Variants in OTUD7A observed in about 807,000 individuals in gnomAD.
OTUD7A encodes the protein OTU domain-containing protein 7A.
A neutral mutation model predicts 65.7 loss-of-function variants in OTUD7A; 12 were observed. The ratio of observed to expected loss-of-function variants is 0.18; its 90% CI spans 0.12 to 0.30. OTUD7A has a LOEUF of 0.30. OTUD7A is among the 10% of genes least tolerant of loss of function. OTUD7A has a pLI of 1.00. For synonymous variants in OTUD7A, 641 were observed against 586.3 expected (o/e 1.09, Z -1.35); for missense variants, 1,148 against 1,304.8 (o/e 0.88, Z 1.85).
intron 9 of OTUD7A, among the ~76,000 whole-genome samples, chr15:31,502,692 C>T (rs1424959658): frequency 6.6e-6 from 1 of 152,158 alleles, no homozygotes; most frequent in Non-Finnish European, 1.5e-5. Context: ...CTTCCTCTGC[C>T]CCGCAACTCA....
intron 6 of OTUD7A, among the ~76,000 whole-genome samples, chr15:31,527,518 T>C (rs1433080360): frequency 6.6e-6 from 1 of 152,254 alleles, no homozygotes; most frequent in Non-Finnish European, 1.5e-5. Flanking sequence ...GCACATCCTG[T>C]TCTTAGCAAA....
At chr15:31,754,538 A>C (rs1213351183) in intron 1 of OTUD7A, among the ~76,000 whole-genome samples, 3 of 152,170 alleles carry the variant, frequency 2.0e-5, no homozygotes, top group Non-Finnish European at 4.4e-5. Context: ...TTTTTGTATA[A>C]GGTGACAGAC....
At position 31,625,047 on chromosome 15, in the gene OTUD7A, C is replaced by T. The variant is rs1009506300; in HGVS notation, c.151+30049G>A. Among the ~76,000 whole-genome samples, 10 of 152,302 alleles carry T rather than the reference C, an allele frequency of 6.6e-5. No homozygotes were observed. The South Asian group carries it at 1.9e-3, about 28-fold the overall frequency. ...CACTGTGGCTTCCACCATAAGCTGTCGCTTTATCTCTCCCTCATCACTCAC... is the reference window on the plus strand; with the variant it reads ...CACTGTGGCTTCCACCATAAGCTGTTGCTTTATCTCTCCCTCATCACTCAC... On this transcript the variant is annotated intron_variant, in intron 3 of 12. Coordinates refer to ENST00000307050, the MANE Select transcript of OTUD7A (RefSeq NM_001382637.1).
chr15:31,503,851 A>T lies in OTUD7A; in HGVS notation c.894-33T>A, dbSNP rs777645360. ...ACAAAACAGAGCCAGCTGGTCACTG[A>T]CTAAAACAGGGTGGAGGATGGAGAA... On this transcript the variant is annotated intron_variant, in intron 8 of 12. Coordinates refer to ENST00000307050, the MANE Select transcript of OTUD7A (RefSeq NM_001382637.1). The T allele has an allele frequency of 3.7e-6, 6 of 1,613,206 alleles. No homozygotes were observed. In the South Asian group the frequency reaches 6.6e-5, roughly 18 times the overall value.
intron 1 of OTUD7A, chr15:31,768,235 T>C (rs1166648251): frequency 2.2e-6 from 2 of 898,966 alleles, no homozygotes; most frequent in African/African-American, 3.3e-5. Context: ...TCCATGGCAG[T>C]GTAGGTGACA....
chr15:31,488,717 C>CT (rs2041274643), intron 10 of OTUD7A, among the ~76,000 whole-genome samples: 2 of 152,200 alleles, frequency 1.3e-5, no homozygotes, highest in Admixed American at 1.3e-4. Flanking sequence ...GACTGAACAC[C>CT]AATAGTTGAT....
intron 1 of OTUD7A, among the ~76,000 whole-genome samples, chr15:31,796,482 G>A (rs910480308): frequency 6.6e-6 from 1 of 152,180 alleles, no homozygotes; most frequent in Non-Finnish European, 1.5e-5. Context: ...AGGGCAATCA[G>A]TTTTATTCAG....
At chr15:31,617,117 A>G (rs1371787877) in intron 3 of OTUD7A, among the ~76,000 whole-genome samples, 2 of 152,254 alleles carry the variant, frequency 1.3e-5, no homozygotes, top group African/African-American at 4.8e-5. Context: ...GGATAACATC[A>G]GATTTTAATG....
At chr15:31,539,805 C>G (rs1256039892) in intron 5 of OTUD7A, among the ~76,000 whole-genome samples, 1 of 152,146 alleles carries the variant, frequency 6.6e-6, no homozygotes, top group Admixed American at 6.5e-5. Flanking sequence ...GCAAATGTGA[C>G]AAAGTCCCGA....
chr15:31,652,777 C>T (rs561950168), intron 3 of OTUD7A, among the ~76,000 whole-genome samples: 190 of 152,074 alleles, frequency 1.2e-3, no homozygotes, highest in Middle Eastern at 6.8e-3. Context: ...GAAGAAATAC[C>T]ATCACACAGC....
At chr15:31,635,191 TC>T (rs1343508119) in intron 3 of OTUD7A, among the ~76,000 whole-genome samples, 1 of 152,116 alleles carries the variant, frequency 6.6e-6, no homozygotes, top group East Asian at 1.9e-4. Context: ...CCACTGCTAG[TC>T]CTTCCCTATC....
At chr15:31,802,103 ATGTG>A (rs1255794707) in intron 1 of OTUD7A, among the ~76,000 whole-genome samples, 1,886 of 35,484 alleles carry the variant, frequency 0.053, 38 homozygotes, top group African/African-American at 0.093. Flanking sequence ...GTGTGTATAT[ATGTG>A]TGTGTGTGTG....
At chr15:31,839,343 T>C (rs1308391633) in intron 1 of OTUD7A, among the ~76,000 whole-genome samples, 1 of 152,178 alleles carries the variant, frequency 6.6e-6, no homozygotes, top group Non-Finnish European at 1.5e-5. Context: ...TTCCCATTTC[T>C]TCTTCTGTTT....
chr15:31,763,169 G>C (rs73378662), intron 1 of OTUD7A, among the ~76,000 whole-genome samples: 3,517 of 152,132 alleles, frequency 0.023, 132 homozygotes, highest in African/African-American at 0.08. Flanking sequence ...TATAATCCCA[G>C]CTACTGGGGA....
At chr15:31,749,981 T>A (rs1894586730) in intron 1 of OTUD7A, among the ~76,000 whole-genome samples, 1 of 151,966 alleles carries the variant, frequency 6.6e-6, no homozygotes, top group Admixed American at 6.6e-5. Context: ...CACAAAAAAA[T>A]ACAATACTTA....
chr15:31,741,349 CTT>C (rs886369959), intron 1 of OTUD7A, among the ~76,000 whole-genome samples: 9 of 152,108 alleles, frequency 5.9e-5, no homozygotes, highest in Non-Finnish European at 1.3e-4. Flanking sequence ...TTTTATTACA[CTT>C]TAAGTTCTAG....
intron 3 of OTUD7A, among the ~76,000 whole-genome samples, chr15:31,628,805 T>C (rs909990187): frequency 1.3e-5 from 2 of 152,220 alleles, no homozygotes; most frequent in African/African-American, 4.8e-5. Context: ...AAGAGGTCCT[T>C]CACATCCCTT....
intron 3 of OTUD7A, among the ~76,000 whole-genome samples, chr15:31,572,803 T>C (rs1595620787): frequency 6.6e-6 from 1 of 151,936 alleles, no homozygotes; most frequent in Non-Finnish European, 1.5e-5. Flanking sequence ...GCAGATAGCA[T>C]AGTAAGAATG....
intron 1 of OTUD7A, among the ~76,000 whole-genome samples, chr15:31,835,664 A>G (rs1314002413): frequency 6.6e-6 from 1 of 152,180 alleles, no homozygotes; most frequent in Non-Finnish European, 1.5e-5. Context: ...ACATATACAC[A>G]CATACACATA....
Sources: gnomAD v4.1 joint callset for allele counts (sites outside exome capture counted in the v4.1 genomes callset) on GRCh38, gnomAD v4.1.1 for gene constraint, MANE v1.5 for transcripts, NCBI Gene and HGNC (gene_info 2026-07-23, HGNC 2026-07-21) for gene names.